DOCK5: variants seen among roughly 807,000 people sequenced by gnomAD.
The protein encoded by DOCK5 is dedicator of cytokinesis 5.
DOCK5 carries 142 observed loss-of-function variants against 251.8 expected under a neutral mutation model. The observed-to-expected ratio is 0.56, with a 90% confidence interval of 0.49 to 0.65. The LOEUF (loss-of-function observed/expected upper bound fraction) is 0.65, where lower values mean the gene tolerates loss of function less well. DOCK5 is among the 30% of genes least tolerant of loss of function. DOCK5 has a pLI of 0.00. For synonymous variants in DOCK5, 842 were observed against 835.5 expected (o/e 1.01, Z -0.13); for missense variants, 2,111 against 2,312.3 (o/e 0.91, Z 1.79).
rs1177391905 is a variant in DOCK5 at position 25,382,806 on chromosome 8, G to A, written c.4131+28G>A. 12 of 1,558,018 alleles carry A rather than the reference G, an allele frequency of 7.7e-6. No individual in the cohort carries two copies. In the Admixed American group the frequency reaches 2.1e-4, roughly 27 times the overall value. On this transcript the variant is annotated intron_variant, in intron 40 of 51. Transcript: ENST00000276440. ...AAGAAACCTGATGGTGGTCTCCCAG[G>A]CCATTAGGAGGAGGGAAGAGACTCA...
intron 5 of DOCK5, among the ~76,000 whole-genome samples, chr8:25,284,776 A>C (rs1484611971): frequency 2.0e-5 from 3 of 152,224 alleles, no homozygotes; most frequent in Non-Finnish European, 4.4e-5. Context: ...TTTTGAATAT[A>C]AACAATTCTA....
chr8:25,403,499 G>A (rs1304089142), intron 47 of DOCK5, 59 bp from the exon 48 acceptor site: 6 of 1,579,606 alleles, frequency 3.8e-6, no homozygotes, highest in Non-Finnish European at 5.2e-6. Context: ...GGCAGCTGTG[G>A]CCAGTTCATA....
chr8:25,236,354 T>A (rs1802796651), intron 1 of DOCK5, among the ~76,000 whole-genome samples: 1 of 152,126 alleles, frequency 6.6e-6, no homozygotes, highest in Non-Finnish European at 1.5e-5. Flanking sequence ...AAACCACAGA[T>A]TTGACTTCTT....
rs76326992 is a variant in DOCK5, at chr8:25,239,869, G to A, written c.44-3805G>A. The stretch of plus-strand genomic sequence containing the variant: ...CTTTGTCCAGGCTTCTGTGCCAGGA[G>A]TGCAGGAGAGCACTACTTGGATGAC... On this transcript the variant is annotated intron_variant, in intron 1 of 51. Coordinates refer to ENST00000276440, the MANE Select transcript of DOCK5 (RefSeq NM_024940.8). 1.7e-3 allele frequency among the ~76,000 whole-genome samples: 262 copies of A among 152,282 alleles called. 4 individuals carry two copies. In the East Asian group the frequency reaches 0.037, roughly 21 times the overall value.
chr8:25,243,703 G>T lies in DOCK5; in HGVS notation c.73G>T (p.Val25Leu), dbSNP rs762577734. The T allele has an allele frequency of 2.5e-5, 40 of 1,613,668 alleles. No individual in the cohort carries two copies. In the South Asian group the frequency reaches 4.4e-4, roughly 18 times the overall value. Residue 25 changes from valine to leucine, a missense_variant, in exon 2 of 52, where the codon GTG becomes TTG. By Grantham distance (32) the Val-to-Leu change is conservative (BLOSUM62 1). Coordinates refer to ENST00000276440, the MANE Select transcript of DOCK5 (RefSeq NM_024940.8). ...AIYNYNASQD[V>L]ELSLQIGDTV... is the part of the protein sequence containing the mutation. ...CTATAACTACAATGCTTCTCAAGATGTGGAGCTCTCCTTGCAGATCGGTGA... is the reference window on the plus strand; with the variant it reads ...CTATAACTACAATGCTTCTCAAGATTTGGAGCTCTCCTTGCAGATCGGTGA...
intron 1 of DOCK5, among the ~76,000 whole-genome samples, chr8:25,196,602 G>A (rs1801732251): frequency 6.6e-6 from 1 of 152,184 alleles, no homozygotes; most frequent in African/African-American, 2.4e-5. Context: ...TAGCCATCTT[G>A]TTAGCTGAAA....
At chr8:25,190,780 T>TTTTTTTTTTTTTTG (rs1801563216) in intron 1 of DOCK5, among the ~76,000 whole-genome samples, 1 of 94,312 alleles carries the variant, frequency 1.1e-5, no homozygotes, top group Non-Finnish European at 2.4e-5. Context: ...TCATGGGTTT[T>TTTTTTTTTTTTTTG]TTTTTTTTTT....
At chr8:25,273,066 C>CATGGCGCA (rs140826061) in intron 3 of DOCK5, among the ~76,000 whole-genome samples, 24,978 of 151,688 alleles carry the variant, frequency 0.16, 2,250 homozygotes, top group Admixed American at 0.26. Context: ...AATCATTTGC[C>CATGGCGCA]GTGGCGCAGT....
intron 2 of DOCK5, among the ~76,000 whole-genome samples, chr8:25,247,020 G>A (rs1356068978): frequency 1.3e-5 from 2 of 151,888 alleles, no homozygotes; most frequent in African/African-American, 2.4e-5. Context: ...CCAAGTAGCT[G>A]GGATTATAGG....
chr8:25,265,337 T>C (rs57238184), intron 2 of DOCK5, among the ~76,000 whole-genome samples: 5,879 of 151,978 alleles, frequency 0.039, 477 homozygotes, highest in African/African-American at 0.13. Flanking sequence ...CTCTCCCCAT[T>C]TCAGTCTCTT....
At chr8:25,187,116 G>C (rs1453885764) in intron 1 of DOCK5, among the ~76,000 whole-genome samples, 1 of 151,334 alleles carries the variant, frequency 6.6e-6, no homozygotes. Context: ...TGGGAGGATA[G>C]CTTGAGCCTG....
chr8:25,340,086 G>A (rs1346938891), intron 22 of DOCK5, among the ~76,000 whole-genome samples: 1 of 152,190 alleles, frequency 6.6e-6, no homozygotes, highest in Admixed American at 6.5e-5. Context: ...CTAGGTTCGA[G>A]GTGATGCTGT....
At position 25,265,622 on chromosome 8, in the gene DOCK5, A is replaced by G. The variant is rs1001869261; in HGVS notation, c.128-3223A>G. 2.0e-5 allele frequency among the ~76,000 whole-genome samples: 3 copies of G among 151,860 alleles called. No homozygotes were observed. In the East Asian group the frequency reaches 5.8e-4, roughly 29 times the overall value. ...ATCTCAGGTCATTCTACTTGTGTAT[A>G]TTTTTAACATTAGAGTGTAATCTTC... is the stretch of plus-strand genomic sequence containing the variant. On this transcript the variant is annotated intron_variant, in intron 2 of 51. Coordinates refer to ENST00000276440, the MANE Select transcript of DOCK5 (RefSeq NM_024940.8).
At chr8:25,402,538 C>T (rs1181852754) in intron 47 of DOCK5, among the ~76,000 whole-genome samples, 1 of 152,182 alleles carries the variant, frequency 6.6e-6, no homozygotes, top group South Asian at 2.1e-4. Flanking sequence ...CCTTGTGATC[C>T]GCCTGCCTCG....
chr8:25,293,735 T>G lies in DOCK5; in HGVS notation c.470+1563T>G, dbSNP rs530005001. On this transcript the variant is annotated intron_variant, in intron 6 of 51. Transcript: ENST00000276440. ...AAAGGCCAATTAGGCCAGGTGAGGTTGCTCATGCCTTTAATCCCAGCAGTT... is the reference window on the plus strand; with the variant it reads ...AAAGGCCAATTAGGCCAGGTGAGGTGGCTCATGCCTTTAATCCCAGCAGTT... 6.6e-5 allele frequency among the ~76,000 whole-genome samples: 10 copies of G among 152,198 alleles called. No homozygotes were observed. In the South Asian group the frequency reaches 2.1e-3, roughly 32 times the overall value.
intron 31 of DOCK5, among the ~76,000 whole-genome samples, chr8:25,367,662 A>C (rs1800800051): frequency 6.6e-6 from 1 of 152,178 alleles, no homozygotes; most frequent in African/African-American, 2.4e-5. Flanking sequence ...AAAACAGCAA[A>C]GTATTTTTTG....
chr8:25,207,693 T>C (rs1021163861), intron 1 of DOCK5, among the ~76,000 whole-genome samples: 1 of 152,158 alleles, frequency 6.6e-6, no homozygotes, highest in African/African-American at 2.4e-5. Flanking sequence ...ATTCAAAATA[T>C]TACTGCCCAT....
intron 26 of DOCK5, among the ~76,000 whole-genome samples, chr8:25,348,117 C>G (rs936628632): frequency 1.3e-5 from 2 of 152,148 alleles, no homozygotes; most frequent in African/African-American, 4.8e-5. Flanking sequence ...AATATGTGCA[C>G]TAGTTCAATA....
chr8:25,235,570 T>C (rs1802774962), intron 1 of DOCK5, among the ~76,000 whole-genome samples: 1 of 152,124 alleles, frequency 6.6e-6, no homozygotes, highest in Admixed American at 6.6e-5. Context: ...TGTTCTGTAA[T>C]TTCGAATTGC....
Sources: gnomAD v4.1 joint callset for allele counts (sites outside exome capture counted in the v4.1 genomes callset) on GRCh38, gnomAD v4.1.1 for gene constraint, MANE v1.5 for transcripts, NCBI Gene and HGNC (gene_info 2026-07-23, HGNC 2026-07-21) for gene names.